The following PHLPP2 variants were observed in gnomAD, a reference collection of about 807,000 sequenced individuals.
PHLPP2 encodes PH domain and leucine rich repeat protein phosphatase 2.
A neutral mutation model predicts 124.9 loss-of-function variants in PHLPP2; 66 were observed. The observed-to-expected ratio is 0.53, with a 90% CI of 0.43 to 0.65. The LOEUF (loss-of-function observed/expected upper bound fraction) is 0.65. PHLPP2 is among the 30% of genes least tolerant of loss of function. The probability of loss-of-function intolerance (pLI) is 0.00; values close to 1 mark genes in which losing one functional copy is unlikely to be tolerated. For missense variants in PHLPP2, 1,685 were observed against 1,600.4 expected, an observed-to-expected ratio of 1.05 and a Z score of -0.90; for synonymous variants, 681 against 624.7, an observed-to-expected ratio of 1.09 and a Z score of -1.34.
chr16:71,681,902 C>A lies in PHLPP2; in HGVS notation c.739G>T (p.Val247Leu), dbSNP rs936979462. 6.2e-7 allele frequency: 1 copy of A among 1,601,480 alleles called. No individual in the cohort carries two copies. Among genetic ancestry groups the A allele is most frequent in the Non-Finnish European group, 8.5e-7 (1 of 1,173,580 alleles). ...QRWQRQASKVVSQRISTVDLS... is the reference protein window; with the variant it reads ...QRWQRQASKVLSQRISTVDLS... ...TCCACGGTACTGATTCGCTGGGACA[C>A]CACCTGAATAATGTCAAAGAGAAGA... The change falls in exon 6 of 19, where the codon GTG becomes TTG. Residue 247 changes from valine (V) to leucine (L), a missense_variant. Val to Leu is a conservative substitution (Grantham distance 32). Transcript: ENST00000568954.
intron 9 of PHLPP2, among the ~76,000 whole-genome samples, chr16:71,674,552 T>G (rs760053708): frequency 3.3e-5 from 5 of 151,600 alleles, no homozygotes; most frequent in Non-Finnish European, 5.9e-5. Context: ...TATCACAATA[T>G]ACATTTAATT....
intron 10 of PHLPP2, among the ~76,000 whole-genome samples, chr16:71,671,011 G>T (rs994063984): frequency 6.6e-6 from 1 of 152,250 alleles, no homozygotes; most frequent in East Asian, 1.9e-4. Flanking sequence ...AGATGCTGAG[G>T]ACACTGGAAG....
rs1331696726 is a variant in PHLPP2 at position 71,660,366 on chromosome 16, T to C, written c.1986-1551A>G. On this transcript the variant is annotated intron_variant, in intron 13 of 18. Coordinates refer to ENST00000568954, the MANE Select transcript of PHLPP2 (RefSeq NM_015020.3). ...ACACCAGCCTGGGTGACACAAGACC[T>C]TGTCTCAAAAAAAAAAAAAAAAAAA... Among the ~76,000 whole-genome samples, 6 of 127,106 alleles carry C rather than the reference T, an allele frequency of 4.7e-5. No individual in the cohort carries two copies. In the South Asian group the frequency reaches 1.9e-3, roughly 40 times the overall value. 83.4% of individuals were successfully genotyped at this position (127,106 alleles called of 152,430 possible). A position where few individuals can be genotyped will look rare whatever the true frequency, so the allele number is the denominator to read the frequency against.
chr16:71,702,654 C>T lies in PHLPP2; in HGVS notation c.362G>A (p.Arg121His), dbSNP rs368024614. 1.5e-5 allele frequency: 24 copies of T among 1,610,720 alleles called. No homozygotes were observed. The highest frequency in any genetic ancestry group is 1.2e-4 in the Admixed American group (7 of 60,008). The change falls in exon 3 of 19, where the codon CGC (arginine) becomes CAC (histidine). Residue 121 changes from arginine (R) to histidine (H), a missense_variant. Coordinates refer to ENST00000568954, the MANE Select transcript of PHLPP2 (RefSeq NM_015020.3). ...LSRLGFDDPV[R>H]IQEEATNPDL... is the part of the protein sequence containing the mutation. ...AGGATTTGTAGCCTCCTCCTGTATG[C>T]GCACAGGATCATCAAATCCCAGCCT...
chr16:71,723,884 A>T (rs940033712), intron 1 of PHLPP2: 9 of 1,066,698 alleles, frequency 8.4e-6, no homozygotes, highest in African/African-American at 1.7e-5. Flanking sequence ...CCCAGGATTC[A>T]CAGAGACGCC....
chr16:71,666,889 C>T (rs2044844413), intron 12 of PHLPP2, among the ~76,000 whole-genome samples: 2 of 152,184 alleles, frequency 1.3e-5, no homozygotes, highest in African/African-American at 4.8e-5. Context: ...AATATCATAA[C>T]TATATTCATT....
chr16:71,705,829 G>A (rs377500503), intron 2 of PHLPP2, among the ~76,000 whole-genome samples: 54 of 152,190 alleles, frequency 3.5e-4, no homozygotes, highest in African/African-American at 1.1e-3. Context: ...CATATCTACC[G>A]TAAGAAAGTA....
In PHLPP2 at chr16:71,652,870, G is replaced by A. The variant is rs1382122610; in HGVS notation, c.2737C>T (p.Pro913Ser). ...TCCAGGCTGAAGACTTTAGAGAGGG[G>A]CACTGGCTTCCCACCTCGGCACAGG... Reference protein sequence around the residue: ...AVLCRGGKPVPLSKVFSLEQD... With the variant: ...AVLCRGGKPVSLSKVFSLEQD... The change falls in exon 18 of 19, where the codon CCC (proline) becomes TCC (serine). Residue 913 changes from proline (P) to serine (S), a missense_variant. Transcript: ENST00000568954. 7 of 1,614,100 alleles carry A rather than the reference G, an allele frequency of 4.3e-6. No individual in the cohort carries two copies. The East Asian group carries it at 1.6e-4, about 36-fold the overall frequency.
chr16:71,695,498 C>T (rs1317882540), intron 3 of PHLPP2, among the ~76,000 whole-genome samples: 1 of 152,152 alleles, frequency 6.6e-6, no homozygotes, highest in Non-Finnish European at 1.5e-5. Context: ...CACCTGAGGT[C>T]AGGAGTTCAA....
intron 2 of PHLPP2, among the ~76,000 whole-genome samples, chr16:71,713,098 A>T (rs2045334312): frequency 6.6e-6 from 1 of 152,242 alleles, no homozygotes; most frequent in Admixed American, 6.5e-5. Flanking sequence ...ATGGCTTTTA[A>T]ACCCATGAAA....
In PHLPP2 at chr16:71,704,794, T is replaced by C. The variant is rs190799692; in HGVS notation, c.285-2063A>G. Among the ~76,000 whole-genome samples, 781 of 152,298 alleles carry C rather than the reference T, an allele frequency of 5.1e-3. 1 individual carries two copies. The highest frequency in any genetic ancestry group is 0.014 in the Middle Eastern group (4 of 294). ...CATTGTCTATGACAATCTTAGGCAT[T>C]TTCCCAGCACAATGGTGGGATTCTT... On this transcript the variant is annotated intron_variant, in intron 2 of 18. Transcript: ENST00000568954.
chr16:71,673,071 T>C (rs539127071), intron 9 of PHLPP2, among the ~76,000 whole-genome samples: 9 of 152,334 alleles, frequency 5.9e-5, no homozygotes, highest in African/African-American at 1.9e-4. Flanking sequence ...AAAATTATTT[T>C]ATGTGAATAT....
intron 8 of PHLPP2, chr16:71,676,957 C>G: frequency 3.1e-6 from 1 of 322,910 alleles, no homozygotes. Context: ...CCATGTTGGC[C>G]AGGCTTGAAC....
chr16:71,701,805 C>T (rs542778310), intron 3 of PHLPP2, among the ~76,000 whole-genome samples: 1 of 152,298 alleles, frequency 6.6e-6, no homozygotes, highest in African/African-American at 2.4e-5. Context: ...CATTCACTAA[C>T]TTTTATTACA....
chr16:71,656,016 G>C (rs2044739428), intron 16 of PHLPP2, among the ~76,000 whole-genome samples: 1 of 152,116 alleles, frequency 6.6e-6, no homozygotes, highest in African/African-American at 2.4e-5. Context: ...TAGTGACTAA[G>C]GATTAGCTTT....
At chr16:71,668,321 C>G (rs542744432) in intron 11 of PHLPP2, among the ~76,000 whole-genome samples, 14 of 142,996 alleles carry the variant, frequency 9.8e-5, no homozygotes, top group African/African-American at 2.9e-4. Context: ...GAAGCTGAGG[C>G]AGGAGGATGG....
At chr16:71,712,785 C>T (rs747232107) in intron 2 of PHLPP2, among the ~76,000 whole-genome samples, 3 of 152,148 alleles carry the variant, frequency 2.0e-5, no homozygotes, top group Non-Finnish European at 4.4e-5. Flanking sequence ...CAAATTTTAG[C>T]TCAGCTAAAG....
At chr16:71,697,342 G>A (rs928065408) in intron 3 of PHLPP2, among the ~76,000 whole-genome samples, 1 of 152,068 alleles carries the variant, frequency 6.6e-6, no homozygotes, top group African/African-American at 2.4e-5. Context: ...GGGGGTTTTA[G>A]GAACCAGGTA....
intron 4 of PHLPP2, among the ~76,000 whole-genome samples, chr16:71,685,785 G>A (rs118090911): frequency 3.3e-5 from 5 of 152,212 alleles, no homozygotes; most frequent in African/African-American, 1.2e-4. Context: ...CAAATACTGA[G>A]ACAGATCTGT....
Sources: gnomAD v4.1 joint callset for allele counts (sites outside exome capture counted in the v4.1 genomes callset) on GRCh38, gnomAD v4.1.1 for gene constraint, MANE v1.5 for transcripts, NCBI Gene and HGNC (gene_info 2026-07-23, HGNC 2026-07-21) for gene names.